Variants in SGSM3 observed in about 807,000 individuals in gnomAD.
SGSM3 encodes the protein small G protein signaling modulator 3.
SGSM3 carries 96 observed loss-of-function variants against 100.5 expected under a neutral mutation model. The ratio of observed to expected loss-of-function variants is 0.96; its 90% CI spans 0.81 to 1.13. SGSM3 has a LOEUF of 1.13. Among genes scored for constraint, SGSM3 ranks in the 50% most tolerant of loss-of-function variants. The pLI, the probability that SGSM3 is intolerant of heterozygous loss-of-function variation, is 0.00. For missense variants in SGSM3, 1,001 were observed against 1,015.8 expected (o/e 0.99, Z 0.20); for synonymous variants, 483 against 422.8 (o/e 1.14, Z -1.75).
At chr22:40,404,533 GC>G in intron 5 of SGSM3, 23 bp from the exon 6 acceptor site, 1 of 1,611,028 alleles carries the variant, frequency 6.2e-7, no homozygotes, top group South Asian at 1.1e-5. Flanking sequence ...AAGACTGAGT[GC>G]CCTTGCGGCT....
chr22:40,397,411 AAT>A (rs1177430154), intron 1 of SGSM3, among the ~76,000 whole-genome samples: 1 of 152,084 alleles, frequency 6.6e-6, no homozygotes, highest in East Asian at 1.9e-4. Flanking sequence ...TAAAAAAAAA[AAT>A]ATGATAAAAT....
Position 40,408,928 on chromosome 22 carries a change from C to A in SGSM3, c.1903-5C>A, listed in dbSNP as rs115360539. 1.2e-3 allele frequency: 1,965 copies of A among 1,613,040 alleles called. 26 individuals are homozygous for A. The African/African-American group carries it at 0.022, about 18-fold the overall frequency. On this transcript the variant is annotated splice_polypyrimidine_tract_variant and splice_region_variant and intron_variant, in intron 18 of 21. Coordinates refer to ENST00000248929, the MANE Select transcript of SGSM3 (RefSeq NM_015705.6). ...CTGAGTGACAGCTGACGGTGCCGTTCCCAGGCTGTGCAGTCTGTGAACGTG... is the reference window on the plus strand; with the variant it reads ...CTGAGTGACAGCTGACGGTGCCGTTACCAGGCTGTGCAGTCTGTGAACGTG...
At chr22:40,408,003 CT>C (rs1440920443) in intron 14 of SGSM3, 67 bp from the exon 15 acceptor site, 1 of 1,530,230 alleles carries the variant, frequency 6.5e-7, no homozygotes, top group African/African-American at 1.4e-5. Context: ...CTCAGCCTGC[CT>C]GCAGGCTGTG....
At chr22:40,394,598 T>C (rs1291930335) in intron 1 of SGSM3, among the ~76,000 whole-genome samples, 1 of 150,824 alleles carries the variant, frequency 6.6e-6, no homozygotes, top group Non-Finnish European at 1.5e-5. Flanking sequence ...GTGAGTGAGA[T>C]TGTGCCACTG....
intron 1 of SGSM3, among the ~76,000 whole-genome samples, chr22:40,381,814 G>A (rs868084898): frequency 6.6e-6 from 1 of 152,098 alleles, no homozygotes; most frequent in Admixed American, 6.6e-5. Context: ...CAAAAAACTA[G>A]CCAGGCATGG....
intron 1 of SGSM3, chr22:40,379,434 T>C (rs758157851): frequency 2.6e-5 from 4 of 152,268 alleles, no homozygotes; most frequent in Non-Finnish European, 5.9e-5. Flanking sequence ...AGACTAGAAG[T>C]CTGAGATCAC....
chr22:40,409,549 G>T, intron 21 of SGSM3, 24 bp downstream of exon 21: 1 of 1,612,046 alleles, frequency 6.2e-7, no homozygotes, highest in Non-Finnish European at 8.5e-7. Context: ...GCCTCGTAGG[G>T]CCTGCACTGA....
intron 16 of SGSM3, 57 bp downstream of exon 16, chr22:40,408,486 T>C: frequency 6.2e-7 from 1 of 1,605,392 alleles, no homozygotes; most frequent in East Asian, 2.2e-5. Context: ...CTGTGCCCCC[T>C]AGTACCCATC....
intron 1 of SGSM3, chr22:40,387,202 T>C (rs562736328): frequency 2.5e-6 from 1 of 398,534 alleles, no homozygotes; most frequent in African/African-American, 2.1e-5. Flanking sequence ...CACATATTAT[T>C]TTTCCTTCTT....
In SGSM3 at chr22:40,405,675, G is replaced by A. The variant is rs2051386470; in HGVS notation, c.645G>A (p.Leu215=). 6.2e-7 allele frequency: 1 copy of A among 1,613,338 alleles called. No homozygotes were observed. The highest frequency in any genetic ancestry group is 8.5e-7 in the Non-Finnish European group (1 of 1,179,668). ...GMVAACLLLF[L]EEEDAFWMMS... Reference sequence around the variant, plus strand: ...TGGCCGCCTGCCTCCTGCTGTTCCTGGAGGAGGAGGACGCCTTCTGGATGA... The same window carrying A: ...TGGCCGCCTGCCTCCTGCTGTTCCTAGAGGAGGAGGACGCCTTCTGGATGA... The change falls in exon 8 of 22, where the codon CTG becomes CTA. Residue 215 remains leucine (L), a synonymous_variant. Transcript: ENST00000248929.
At chr22:40,371,393 TTG>T (rs2045440516) in intron 1 of SGSM3, among the ~76,000 whole-genome samples, 1 of 152,344 alleles carries the variant, frequency 6.6e-6, no homozygotes, top group African/African-American at 2.4e-5. Flanking sequence ...TTGTGGTGGG[TTG>T]ATGGCTCTTT....
chr22:40,382,892 C>T (rs1165459209), intron 1 of SGSM3, among the ~76,000 whole-genome samples: 1 of 152,216 alleles, frequency 6.6e-6, no homozygotes, highest in Non-Finnish European at 1.5e-5. Flanking sequence ...ATTGGCCACA[C>T]AGCCAAGTGG....
At chr22:40,399,835 A>G (rs1012120801) in intron 1 of SGSM3, among the ~76,000 whole-genome samples, 1 of 152,204 alleles carries the variant, frequency 6.6e-6, no homozygotes, top group African/African-American at 2.4e-5. Context: ...CGTCTCTCCC[A>G]TTTGGGTACC....
Position 40,406,096 on chromosome 22 carries a change from T to C in SGSM3, c.833T>C (p.Leu278Pro), listed in dbSNP as rs1480147074. ...EHDIELSLIT[L>P]HWFLTAFASV... ...TTTACAGAGCTGTCCCTGATCACAC[T>C]GCACTGGTTCCTCACGGCCTTCGCC... Residue 278 changes from leucine to proline, a missense_variant, in exon 9 of 22, where the codon CTG (leucine) becomes CCG (proline). Transcript: ENST00000248929. 6.2e-6 allele frequency: 10 copies of C among 1,614,046 alleles called. No individual in the cohort carries two copies. The highest frequency in any genetic ancestry group is 8.5e-6 in the Non-Finnish European group (10 of 1,180,012).
At chr22:40,372,775 T>G (rs2045841668) in intron 1 of SGSM3, 1 of 152,214 alleles carries the variant, frequency 6.6e-6, no homozygotes. Flanking sequence ...AAAAAAGCTC[T>G]GTGTGTTTTC....
At chr22:40,388,860 G>A (rs1205890325) in intron 1 of SGSM3, among the ~76,000 whole-genome samples, 1 of 152,144 alleles carries the variant, frequency 6.6e-6, no homozygotes, top group Admixed American at 6.6e-5. Flanking sequence ...TGGAGAGAGT[G>A]GGTAGGTAGG....
At chr22:40,386,012 C>T (rs1042110087) in intron 1 of SGSM3, among the ~76,000 whole-genome samples, 3 of 149,872 alleles carry the variant, frequency 2.0e-5, no homozygotes, top group Non-Finnish European at 4.4e-5. Context: ...CCACCATGCC[C>T]GGCTAATTTT....
intron 1 of SGSM3, among the ~76,000 whole-genome samples, chr22:40,390,677 G>A (rs926768132): frequency 6.6e-6 from 1 of 152,208 alleles, no homozygotes; most frequent in African/African-American, 2.4e-5. Flanking sequence ...CTATTAGTAA[G>A]ATATGTATAG....
Position 40,405,164 on chromosome 22 carries a change from C to A in SGSM3, c.498C>A (p.Thr166=). 6.4e-7 allele frequency: 1 copy of A among 1,570,416 alleles called. No homozygotes were observed. Among genetic ancestry groups the A allele is most frequent in the South Asian group, 1.2e-5 (1 of 85,856 alleles). ...AKQIEKDLLR[T]MPSNACFASM... ...AGATCGAGAAGGACCTGCTCCGCAC[C>A]ATGCCCAGCAACGCCTGCTTCGCCA... Residue 166 remains threonine, a synonymous_variant, in exon 7 of 22, where the codon ACC becomes ACA. Transcript: ENST00000248929.
Sources: gnomAD v4.1 joint callset for allele counts (sites outside exome capture counted in the v4.1 genomes callset) on GRCh38, gnomAD v4.1.1 for gene constraint, MANE v1.5 for transcripts, NCBI Gene and HGNC (gene_info 2026-07-23, HGNC 2026-07-21) for gene names.